Variants in EPB41L4A observed in about 807,000 individuals in gnomAD.
The protein encoded by EPB41L4A is erythrocyte membrane protein band 4.1 like 4A.
EPB41L4A carries 100 observed loss-of-function variants against 108.6 expected under a neutral mutation model. That is an observed-to-expected ratio of 0.92 (90% CI 0.78 to 1.09). The LOEUF (loss-of-function observed/expected upper bound fraction) is 1.09. Ranked by LOEUF, EPB41L4A falls within the 50% of genes least tolerant of loss-of-function variation. The pLI, the probability that EPB41L4A is intolerant of heterozygous loss-of-function variation, is 0.00. For synonymous variants in EPB41L4A, 319 were observed against 289.0 expected, an observed-to-expected ratio of 1.10 and a Z score of -1.05; for missense variants, 1,030 against 842.7, an observed-to-expected ratio of 1.22 and a Z score of -2.75.
At chr5:112,319,649 A>G (rs1755644581) in intron 1 of EPB41L4A, among the ~76,000 whole-genome samples, 1 of 152,228 alleles carries the variant, frequency 6.6e-6, no homozygotes, top group South Asian at 2.1e-4. Flanking sequence ...TGTGCAAAAT[A>G]CCTGGCCTAT....
chr5:112,359,255 T>C (rs183638706), intron 1 of EPB41L4A, among the ~76,000 whole-genome samples: 23 of 152,372 alleles, frequency 1.5e-4, no homozygotes, highest in Admixed American at 2.0e-4. Context: ...GGGTGTGTTT[T>C]CTTTCCCAAT....
At chr5:112,238,081 C>T (rs1749483392) in intron 11 of EPB41L4A, among the ~76,000 whole-genome samples, 2 of 152,204 alleles carry the variant, frequency 1.3e-5, no homozygotes, top group South Asian at 2.1e-4. Context: ...CCAACAACAG[C>T]GTATGTTAAA....
At chr5:112,272,174 G>C (rs1268086468) in intron 4 of EPB41L4A, among the ~76,000 whole-genome samples, 2 of 133,136 alleles carry the variant, frequency 1.5e-5, no homozygotes, top group Non-Finnish European at 3.1e-5. Flanking sequence ...TAGCTCTGTC[G>C]CCCAGGCTGG....
chr5:112,235,941 A>T (rs1749301945), intron 11 of EPB41L4A, among the ~76,000 whole-genome samples: 1 of 152,166 alleles, frequency 6.6e-6, no homozygotes, highest in South Asian at 2.1e-4. Flanking sequence ...TACACAGGAT[A>T]ACATAGATTT....
chr5:112,294,103 T>C (rs902977705), intron 2 of EPB41L4A, among the ~76,000 whole-genome samples: 1 of 152,234 alleles, frequency 6.6e-6, no homozygotes, highest in African/African-American at 2.4e-5. Context: ...CAGCACCTAG[T>C]AGCTGCCAGC....
chr5:112,418,862 C>T (rs1297749520), intron 1 of EPB41L4A, 79 bp downstream of exon 1: 5 of 1,143,742 alleles, frequency 4.4e-6, no homozygotes, highest in East Asian at 2.5e-5. Context: ...CTCGACCCAC[C>T]GGTGACAGCC....
intron 17 of EPB41L4A, among the ~76,000 whole-genome samples, chr5:112,188,459 T>A (rs1339699656): frequency 6.6e-6 from 1 of 152,194 alleles, no homozygotes; most frequent in African/African-American, 2.4e-5. Flanking sequence ...CCTGTTTTCA[T>A]GAATTTTTAA....
At chr5:112,265,131 A>T (rs1751761100) in intron 5 of EPB41L4A, 115 bp from the exon 6 acceptor site, 1 of 898,838 alleles carries the variant, frequency 1.1e-6, no homozygotes, top group South Asian at 2.4e-5. Context: ...ACTAAAATTC[A>T]CATATAAGAC....
At chr5:112,319,284 G>A (rs1017493796) in intron 1 of EPB41L4A, among the ~76,000 whole-genome samples, 3 of 152,108 alleles carry the variant, frequency 2.0e-5, no homozygotes, top group Admixed American at 1.3e-4. Context: ...AAATGATAGT[G>A]TCAGATTACA....
At chr5:112,290,604 A>C (rs1753583237) in intron 2 of EPB41L4A, among the ~76,000 whole-genome samples, 1 of 152,206 alleles carries the variant, frequency 6.6e-6, no homozygotes, top group Non-Finnish European at 1.5e-5. Context: ...GTGAAGTTGC[A>C]ACACATTTTT....
Position 112,170,404 on chromosome 5 carries a change from G to T in EPB41L4A, c.1671-35C>A, listed in dbSNP as rs375930570. ...AATATGCAAGAAAATGATAGTTGTG[G>T]TGCTGGTATAAATGCTAGTATCTTT... is the stretch of plus-strand genomic sequence containing the variant. On this transcript the variant is annotated intron_variant, in intron 19 of 22. Coordinates refer to ENST00000261486, the MANE Select transcript of EPB41L4A (RefSeq NM_022140.5). 5.1e-6 allele frequency: 7 copies of T among 1,372,970 alleles called. No homozygotes were observed. The African/African-American group carries it at 1.0e-4, about 20-fold the overall frequency. The allele number at this position is 1,372,970 out of a possible 1,614,324, so 85.0% of individuals were successfully genotyped here. A position where few individuals can be genotyped will look rare whatever the true frequency, so the allele number is the denominator to read the frequency against.
At chr5:112,336,422 C>A (rs929776450) in intron 1 of EPB41L4A, among the ~76,000 whole-genome samples, 4 of 152,162 alleles carry the variant, frequency 2.6e-5, no homozygotes, top group African/African-American at 9.7e-5. Flanking sequence ...TGGCATTATT[C>A]TTTCCTGTGT....
chr5:112,230,935 C>G (rs2150357805), intron 12 of EPB41L4A, among the ~76,000 whole-genome samples: 1 of 152,184 alleles, frequency 6.6e-6, no homozygotes, highest in East Asian at 1.9e-4. Flanking sequence ...GAAAAAAAGT[C>G]AGGATAAAAG....
chr5:112,395,021 C>T lies in EPB41L4A; in HGVS notation c.99+23920G>A, dbSNP rs568652748. Among the ~76,000 whole-genome samples the T allele has an allele frequency of 7.2e-3, 1,093 of 152,258 alleles. 13 individuals carry two copies. The highest frequency in any genetic ancestry group is 0.025 in the African/African-American group (1,044 of 41,550). Reference sequence around the variant, plus strand: ...AGGATTCCCTATTTAATAAATGGTGCTGGGAAAACTGGCTAGCCATATGTA... The same window carrying T: ...AGGATTCCCTATTTAATAAATGGTGTTGGGAAAACTGGCTAGCCATATGTA... On this transcript the variant is annotated intron_variant, in intron 1 of 22. Transcript: ENST00000261486.
At chr5:112,203,352 T>C (rs1762308750) in intron 15 of EPB41L4A, among the ~76,000 whole-genome samples, 1 of 151,978 alleles carries the variant, frequency 6.6e-6, no homozygotes, top group African/African-American at 2.4e-5. Flanking sequence ...CGAGACTCCA[T>C]CTCAAAAACA....
At chr5:112,290,998 G>A (rs1480647980) in intron 2 of EPB41L4A, among the ~76,000 whole-genome samples, 1 of 152,076 alleles carries the variant, frequency 6.6e-6, no homozygotes, top group Non-Finnish European at 1.5e-5. Context: ...TTGGTCTCAT[G>A]ACTTTAAAAA....
intron 15 of EPB41L4A, among the ~76,000 whole-genome samples, chr5:112,200,565 T>A (rs1762171244): frequency 6.6e-6 from 1 of 152,206 alleles, no homozygotes. Context: ...CTTTGTCTAA[T>A]GGCAGCAGCA....
At chr5:112,141,942 G>C (rs1759087052), downstream of EPB41L4A, among the ~76,000 whole-genome samples, 1 of 152,154 alleles carries the variant, frequency 6.6e-6, no homozygotes, top group African/African-American at 2.4e-5. Flanking sequence ...AACACCGTGA[G>C]AACTATTCTA....
Position 112,331,817 on chromosome 5 carries a change from C to G in EPB41L4A, c.100-24327G>C, listed in dbSNP as rs139563483. ...AGTGACAGCAGCTGGAGGCTACCAA[C>G]TCCATAAGGGATATGCTGTCCATGG... On this transcript the variant is annotated intron_variant, in intron 1 of 22. Coordinates refer to ENST00000261486, the MANE Select transcript of EPB41L4A (RefSeq NM_022140.5). Among the ~76,000 whole-genome samples the G allele has an allele frequency of 7.0e-4, 107 of 152,374 alleles. No homozygotes were observed. The East Asian group carries it at 0.012, about 17-fold the overall frequency.
Sources: allele counts gnomAD v4.1 joint callset (sites outside exome capture counted in the v4.1 genomes callset), GRCh38; gene constraint gnomAD v4.1.1; transcripts MANE v1.5; gene names NCBI Gene and HGNC (gene_info 2026-07-23, HGNC 2026-07-21).